RAD51B: variants seen among roughly 807,000 people sequenced by gnomAD.
RAD51B encodes DNA repair protein RAD51 homolog 2.
In RAD51B, 38 loss-of-function variants were observed where a neutral mutation model predicts 42.2. The observed-to-expected ratio is 0.90, with a 90% CI of 0.70 to 1.18. RAD51B has a LOEUF of 1.18. Among genes scored for constraint, RAD51B ranks in the 50% most tolerant of loss-of-function variants. RAD51B has a pLI of 0.00. For missense variants in RAD51B, 373 were observed against 400.7 expected (o/e 0.93, Z 0.59); for synonymous variants, 154 against 145.2 (o/e 1.06, Z -0.43).
At chr14:67,833,282 A>G (rs1368738356) in intron 3 of RAD51B, among the ~76,000 whole-genome samples, 1 of 152,222 alleles carries the variant, frequency 6.6e-6, no homozygotes, top group Admixed American at 6.5e-5. Context: ...AGGCTGAGGC[A>G]GGAGAATTGC....
At chr14:67,986,066 G>T (rs2075186061) in intron 7 of RAD51B, among the ~76,000 whole-genome samples, 1 of 152,118 alleles carries the variant, frequency 6.6e-6, no homozygotes, top group Non-Finnish European at 1.5e-5. Flanking sequence ...GCATTTGGGT[G>T]CACACAATGT....
rs147909216 is a variant in RAD51B at position 68,019,611 on chromosome 14, G to A, written c.756+132407G>A. On this transcript the variant is annotated intron_variant, in intron 7 of 10. Transcript: ENST00000471583. ...GAGGGCTGACATTTCATATATGTGA[G>A]TTCCAGAGGGTGGACTTTGGAACTT... is the stretch of plus-strand genomic sequence containing the variant. Among the ~76,000 whole-genome samples the A allele has an allele frequency of 3.3e-5, 5 of 152,172 alleles. No homozygotes were observed. The East Asian group carries it at 9.6e-4, about 29-fold the overall frequency.
At chr14:68,460,992 G>A (rs771963496) in intron 9 of RAD51B, among the ~76,000 whole-genome samples, 13 of 152,026 alleles carry the variant, frequency 8.6e-5, no homozygotes, top group African/African-American at 2.4e-4. Context: ...CTTCTCTTAC[G>A]TATATAGCAC....
chr14:68,637,382 G>A (rs374162784), intron 10 of RAD51B, among the ~76,000 whole-genome samples: 3 of 152,128 alleles, frequency 2.0e-5, no homozygotes, highest in Non-Finnish European at 2.9e-5. Flanking sequence ...CTCGGACTTC[G>A]TAAACATTTG....
chr14:67,982,090 C>A (rs907274821), intron 7 of RAD51B, among the ~76,000 whole-genome samples: 2 of 152,130 alleles, frequency 1.3e-5, no homozygotes, highest in African/African-American at 4.8e-5. Flanking sequence ...GCACACACCA[C>A]CATGCCTGGC....
chr14:68,014,859 A>T (rs1012260966), intron 7 of RAD51B, among the ~76,000 whole-genome samples: 14 of 151,742 alleles, frequency 9.2e-5, no homozygotes, highest in Non-Finnish European at 1.5e-4. Flanking sequence ...CAAAAAAAAA[A>T]AAAAAAGGAG....
At chr14:68,540,550 T>TAAG (rs1426204361) in intron 10 of RAD51B, 2 of 985,230 alleles carry the variant, frequency 2.0e-6, no homozygotes, top group Admixed American at 6.2e-5. Flanking sequence ...CATCAAACAA[T>TAAG]AAGTATTTGC....
rs149134245 is a variant in RAD51B, at chr14:68,419,623, G to A, written c.957+8096G>A. Among the ~76,000 whole-genome samples the A allele has an allele frequency of 1.4e-3, 207 of 152,274 alleles. 1 individual carries two copies. Among genetic ancestry groups the A allele is most frequent in the Non-Finnish European group, 2.2e-3 (151 of 68,014 alleles). On this transcript the variant is annotated intron_variant, in intron 9 of 10. Coordinates refer to ENST00000471583, the MANE Select transcript of RAD51B (RefSeq NM_133510.4). ...CTGCCACAGGGCTGGCTATGCTACC[G>A]CTCTCCTACAGACAGCCATTTGTGC...
intron 7 of RAD51B, among the ~76,000 whole-genome samples, chr14:68,179,679 A>G (rs2140879720): frequency 6.6e-6 from 1 of 152,324 alleles, no homozygotes; most frequent in East Asian, 1.9e-4. Context: ...TTTTCAAAGA[A>G]CATCTCTAGT....
In RAD51B at chr14:68,676,108, T is replaced by C. The variant is rs1187626616; in HGVS notation, c.*11+25252T>C. Among the ~76,000 whole-genome samples the C allele has an allele frequency of 2.0e-5, 3 of 152,364 alleles. No individual in the cohort carries two copies. In the South Asian group the frequency reaches 6.2e-4, roughly 32 times the overall value. On this transcript the variant is annotated intron_variant, in intron 11 of 11. Coordinates refer to the RAD51B transcript ENST00000488612. Reference sequence around the variant, plus strand: ...CAGGCACTGGTTTAAGCATTTTACATGTATAGTATGAGCTCATACACTTGT... The same window carrying C: ...CAGGCACTGGTTTAAGCATTTTACACGTATAGTATGAGCTCATACACTTGT...
intron 10 of RAD51B, among the ~76,000 whole-genome samples, chr14:68,510,525 T>C (rs781589475): frequency 8.5e-5 from 13 of 152,104 alleles, no homozygotes; most frequent in Non-Finnish European, 1.5e-4. Context: ...CTGGGTCCTG[T>C]TGGGGGGCTC....
chr14:67,867,751 C>T (rs937216620), intron 5 of RAD51B, among the ~76,000 whole-genome samples: 18 of 152,140 alleles, frequency 1.2e-4, no homozygotes, highest in Admixed American at 3.3e-4. Flanking sequence ...CTGTCCCAGC[C>T]CCAGCTGTTT....
rs1419450858 is a variant in RAD51B at position 68,311,255 on chromosome 14, T to C, written c.853+19275T>C. ...TTTTAATATATGTATATGCCTTTTTTCCCTCATCTCTTGCAAATAAATAAT... is the reference window on the plus strand; with the variant it reads ...TTTTAATATATGTATATGCCTTTTTCCCCTCATCTCTTGCAAATAAATAAT... On this transcript the variant is annotated intron_variant, in intron 8 of 10. Transcript: ENST00000471583. Among the ~76,000 whole-genome samples the C allele has an allele frequency of 3.3e-5, 5 of 152,256 alleles. No individual in the cohort carries two copies. In the East Asian group the frequency reaches 5.8e-4, roughly 18 times the overall value.
At chr14:68,440,774 A>T (rs749053214) in intron 9 of RAD51B, among the ~76,000 whole-genome samples, 3 of 152,092 alleles carry the variant, frequency 2.0e-5, no homozygotes, top group South Asian at 2.1e-4. Context: ...AGAAAGAAAG[A>T]AAGTAACCAT....
At chr14:68,053,836 C>T (rs906801434) in intron 7 of RAD51B, among the ~76,000 whole-genome samples, 2 of 152,184 alleles carry the variant, frequency 1.3e-5, no homozygotes, top group African/African-American at 4.8e-5. Flanking sequence ...TTCACTGTAT[C>T]TCACAAATAT....
At chr14:68,082,721 T>G (rs895674320) in intron 7 of RAD51B, among the ~76,000 whole-genome samples, 2 of 152,150 alleles carry the variant, frequency 1.3e-5, no homozygotes, top group African/African-American at 4.8e-5. Context: ...TTTTTTTAAC[T>G]AGGTCCTTAC....
At chr14:68,536,769 A>G (rs529218082) in intron 10 of RAD51B, among the ~76,000 whole-genome samples, 1 of 151,664 alleles carries the variant, frequency 6.6e-6, no homozygotes, top group Non-Finnish European at 1.5e-5. Flanking sequence ...TGCTTTTCCT[A>G]TTGGTTTTCT....
At position 67,923,846 on chromosome 14, in the gene RAD51B, G is replaced by A. The variant is rs114233443; in HGVS notation, c.756+36642G>A. On this transcript the variant is annotated intron_variant, in intron 7 of 10. Transcript: ENST00000471583. ...TGTACTAGTTTACATTTGCACCAGC[G>A]TGTAAAAGTGTTCCCTTTTCACCAT... Among the ~76,000 whole-genome samples, 1,064 of 152,270 alleles carry A rather than the reference G, an allele frequency of 7.0e-3. 10 individuals are homozygous for A. The highest frequency in any genetic ancestry group is 0.024 in the African/African-American group (997 of 41,552).
At chr14:68,194,104 A>G (rs7143428) in intron 7 of RAD51B, among the ~76,000 whole-genome samples, 106 of 152,354 alleles carry the variant, frequency 7.0e-4, no homozygotes, top group African/African-American at 2.2e-3. Flanking sequence ...ATAGATGAAA[A>G]TCATCACTTG....
Sources: gnomAD v4.1 joint callset for allele counts (sites outside exome capture counted in the v4.1 genomes callset) on GRCh38, gnomAD v4.1.1 for gene constraint, MANE v1.5 for transcripts, NCBI Gene and HGNC (gene_info 2026-07-23, HGNC 2026-07-21) for gene names.